RAF1: variants seen among roughly 807,000 people sequenced by gnomAD.
RAF1 encodes RAF proto-oncogene serine/threonine-protein kinase.
A neutral mutation model predicts 81.1 loss-of-function variants in RAF1; 27 were observed. That is an observed-to-expected ratio of 0.33 (90% CI 0.25 to 0.46). RAF1 has a LOEUF of 0.46. RAF1 is among the 20% of genes least tolerant of loss of function. The pLI is 1.00. For missense variants in RAF1, 598 were observed against 826.0 expected, an observed-to-expected ratio of 0.72 and a Z score of 3.38; for synonymous variants, 298 against 294.0, an observed-to-expected ratio of 1.01 and a Z score of -0.14.
chr3:12,662,500 G>A (rs961922569), intron 1 of RAF1, among the ~76,000 whole-genome samples: 16 of 151,692 alleles, frequency 1.1e-4, no homozygotes, highest in African/African-American at 3.9e-4. Context: ...ATGAAGACTC[G>A]GCAACCCATG....
At chr3:12,624,962 A>C (rs2059661235) in intron 1 of RAF1, among the ~76,000 whole-genome samples, 1 of 152,168 alleles carries the variant, frequency 6.6e-6, no homozygotes, top group Admixed American at 6.5e-5. Context: ...CCATTGCAAA[A>C]AAAACAGGAA....
At chr3:12,615,892 TACAA>T (rs1331536212) in intron 2 of RAF1, among the ~76,000 whole-genome samples, 1 of 151,860 alleles carries the variant, frequency 6.6e-6, no homozygotes, top group Non-Finnish European at 1.5e-5. Flanking sequence ...CTACTAAAAA[TACAA>T]ACAAATTAGC....
intron 13 of RAF1, chr3:12,590,275 A>G (rs2596830): frequency 0.4 from 67,177 of 167,980 alleles, 14,502 homozygotes; most frequent in African/African-American, 0.5. Context: ...GGCAGAGCCC[A>G]AAGCTGAGCC....
Position 12,583,776 on chromosome 3 carries a change from T to TTTGTTTGTTAGAGAAACAAGGCTGGCCC in RAF1, c.*710_*737dup, listed in dbSNP as rs569481249. On this transcript the variant is annotated 3_prime_UTR_variant, in exon 18 of 18. Transcript: ENST00000442415. ...CTAGAGAAACAAGGCTGTTTGTTTG[T>TTTGTTTGTTAGAGAAACAAGGCTGGCCC]TTGTTTGTTAGAGAAACAAGGCTGG... 7.3e-4 allele frequency: 170 copies of TTTGTTTGTTAGAGAAACAAGGCTGGCCC among 233,644 alleles called. No homozygotes were observed. The highest frequency in any genetic ancestry group is 3.5e-3 in the African/African-American group (157 of 45,376). The allele number at this position is 233,644 out of a possible 1,614,324, so 14.5% of individuals were successfully genotyped here.
At chr3:12,633,399 G>A (rs1414145801) in intron 1 of RAF1, among the ~76,000 whole-genome samples, 1 of 151,436 alleles carries the variant, frequency 6.6e-6, no homozygotes, top group African/African-American at 2.4e-5. Context: ...GATCACTTGA[G>A]CTCAGGAGGT....
intron 1 of RAF1, among the ~76,000 whole-genome samples, chr3:12,653,982 TTTTC>T (rs1247021082): frequency 2.0e-5 from 3 of 151,428 alleles, no homozygotes; most frequent in Non-Finnish European, 4.4e-5. Flanking sequence ...ACTATTCATC[TTTTC>T]TTTTTCTTTT....
At chr3:12,636,553 C>A (rs1190495815) in intron 1 of RAF1, among the ~76,000 whole-genome samples, 1 of 151,472 alleles carries the variant, frequency 6.6e-6, no homozygotes, top group African/African-American at 2.4e-5. Flanking sequence ...TGCCTGTAAT[C>A]CCAGCACTTT....
intron 6 of RAF1, among the ~76,000 whole-genome samples, chr3:12,604,783 A>G (rs2058975047): frequency 6.6e-6 from 1 of 152,230 alleles, no homozygotes; most frequent in Non-Finnish European, 1.5e-5. Flanking sequence ...AACAAAGTAA[A>G]TAAATGGGAA....
intron 8 of RAF1, among the ~76,000 whole-genome samples, chr3:12,601,418 G>A (rs2058857856): frequency 6.6e-6 from 1 of 152,140 alleles, no homozygotes; most frequent in Non-Finnish European, 1.5e-5. Context: ...ATTAGAAACT[G>A]TTTGGAAAAT....
At chr3:12,611,657 G>A (rs1177267917) in intron 3 of RAF1, among the ~76,000 whole-genome samples, 6 of 152,034 alleles carry the variant, frequency 3.9e-5, no homozygotes, top group Non-Finnish European at 7.4e-5. Flanking sequence ...CCGAGATCGC[G>A]CCACTGCACT....
At chr3:12,598,162 G>A (rs773742740) in intron 11 of RAF1, among the ~76,000 whole-genome samples, 4 of 151,564 alleles carry the variant, frequency 2.6e-5, no homozygotes, top group Admixed American at 6.6e-5. Flanking sequence ...GGGACTACAG[G>A]CGAGTGCCAT....
chr3:12,623,797 CA>C lies in RAF1; in HGVS notation c.-26-5051del, dbSNP rs71063844. ...TGGGCGACAGAGCGAGACTCTGTCT[CA>C]AAAAAAAAAAAAAAAAAAAAAGAGG... is the stretch of plus-strand genomic sequence containing the variant. On this transcript the variant is annotated intron_variant, in intron 1 of 17. Transcript: ENST00000442415. Among the ~76,000 whole-genome samples, 723 of 121,284 alleles carry C rather than the reference CA, an allele frequency of 6.0e-3. 1 individual carries two copies. The highest frequency in any genetic ancestry group is 0.021 in the African/African-American group (603 of 28,166). 79.6% of individuals were successfully genotyped at this position (121,284 alleles called of 152,430 possible).
intron 1 of RAF1, among the ~76,000 whole-genome samples, chr3:12,622,050 C>T (rs865812281): frequency 2.0e-5 from 3 of 152,170 alleles, no homozygotes; most frequent in African/African-American, 7.2e-5. Flanking sequence ...GATGACAGAA[C>T]AAGATCTCGC....
intron 1 of RAF1, among the ~76,000 whole-genome samples, chr3:12,625,503 A>G (rs1385573197): frequency 6.6e-6 from 1 of 152,208 alleles, no homozygotes; most frequent in Non-Finnish European, 1.5e-5. Flanking sequence ...AACTGTTTAA[A>G]GATTTAACTT....
intron 1 of RAF1, among the ~76,000 whole-genome samples, chr3:12,628,757 G>GC (rs957971037): frequency 7.1e-6 from 1 of 140,392 alleles, no homozygotes; most frequent in African/African-American, 2.6e-5. Context: ...TTTTTGGGGG[G>GC]GGGGGGTGGC....
intron 1 of RAF1, among the ~76,000 whole-genome samples, chr3:12,647,937 G>A (rs2060406174): frequency 6.6e-6 from 1 of 152,204 alleles, no homozygotes; most frequent in South Asian, 2.1e-4. Context: ...TTTTAAAAGT[G>A]TAACTTTAAA....
chr3:12,596,479 C>A (rs1311258301), intron 11 of RAF1, among the ~76,000 whole-genome samples: 1 of 152,160 alleles, frequency 6.6e-6, no homozygotes, highest in African/African-American at 2.4e-5. Flanking sequence ...CAGGCATGAG[C>A]CACCGCACCC....
chr3:12,655,186 G>C (rs530397498), intron 1 of RAF1, among the ~76,000 whole-genome samples: 2 of 152,132 alleles, frequency 1.3e-5, no homozygotes, highest in African/African-American at 4.8e-5. Context: ...GAGTTCAAGC[G>C]ATTCTCCTGC....
chr3:12,647,117 A>T lies in RAF1; in HGVS notation c.-27+16696T>A, dbSNP rs567086204. Among the ~76,000 whole-genome samples the T allele has an allele frequency of 1.4e-3, 216 of 151,274 alleles. 1 individual carries two copies. Among genetic ancestry groups the T allele is most frequent in the African/African-American group, 5.0e-3 (205 of 41,256 alleles). Reference sequence around the variant, plus strand: ...CGAGACCATCCTGGCTAACATGGTGAAACCCCGTCTCTACTAAAAATACAA... The same window carrying T: ...CGAGACCATCCTGGCTAACATGGTGTAACCCCGTCTCTACTAAAAATACAA... On this transcript the variant is annotated intron_variant, in intron 1 of 17. Transcript: ENST00000442415.
Sources: allele counts gnomAD v4.1 joint callset (sites outside exome capture counted in the v4.1 genomes callset), GRCh38; gene constraint gnomAD v4.1.1; transcripts MANE v1.5; gene names NCBI Gene and HGNC (gene_info 2026-07-23, HGNC 2026-07-21).